Variants in KAZN observed in about 807,000 individuals in gnomAD.
KAZN encodes the protein kazrin.
A neutral mutation model predicts 87.4 loss-of-function variants in KAZN; 40 were observed. The ratio of observed to expected loss-of-function variants is 0.46; its 90% CI spans 0.36 to 0.60. KAZN has a LOEUF of 0.60. KAZN is among the 20% of genes least tolerant of loss of function. KAZN has a pLI of 0.00. For missense variants in KAZN, 898 were observed against 1,073.9 expected (o/e 0.84, Z 2.29); for synonymous variants, 466 against 458.3 (o/e 1.02, Z -0.22).
chr1:14,389,017 T>C (rs972690933), intron 2 of KAZN, among the ~76,000 whole-genome samples: 2 of 152,106 alleles, frequency 1.3e-5, no homozygotes, highest in Non-Finnish European at 2.9e-5. Context: ...AAAAATCTAA[T>C]AATTTGATTA....
chr1:14,339,559 C>T (rs1657528306), intron 2 of KAZN, among the ~76,000 whole-genome samples: 2 of 152,188 alleles, frequency 1.3e-5, no homozygotes, highest in Non-Finnish European at 1.5e-5. Context: ...CGTTTCTGTT[C>T]GAGCTCAAAA....
At chr1:14,224,571 G>A (rs980524359) in intron 2 of KAZN, among the ~76,000 whole-genome samples, 2 of 152,122 alleles carry the variant, frequency 1.3e-5, no homozygotes, top group African/African-American at 2.4e-5. Flanking sequence ...GGAAAAAGAA[G>A]AGCCCATACA....
chr1:14,466,941 C>T (rs1031935799), intron 2 of KAZN, among the ~76,000 whole-genome samples: 10 of 152,136 alleles, frequency 6.6e-5, no homozygotes, highest in African/African-American at 2.4e-4. Flanking sequence ...TGCGCTCCAG[C>T]CTGGGCGACA....
At chr1:14,027,641 C>T (rs1641137997) in intron 1 of KAZN, among the ~76,000 whole-genome samples, 2 of 152,098 alleles carry the variant, frequency 1.3e-5, no homozygotes, top group African/African-American at 4.8e-5. Flanking sequence ...CACAGGTCTA[C>T]AGTCAGCTGT....
chr1:14,306,914 G>A (rs1306626859), intron 2 of KAZN, among the ~76,000 whole-genome samples: 2 of 152,150 alleles, frequency 1.3e-5, no homozygotes, highest in African/African-American at 4.8e-5. Context: ...AGAGGCTTAG[G>A]TGTGAAAAAT....
intron 2 of KAZN, among the ~76,000 whole-genome samples, chr1:14,330,339 G>A (rs1330627708): frequency 6.6e-6 from 1 of 152,024 alleles, no homozygotes; most frequent in African/African-American, 2.4e-5. Context: ...TTCACATTAG[G>A]ATTCCCCAAC....
chr1:14,366,595 T>G (rs1364605621), intron 2 of KAZN, among the ~76,000 whole-genome samples: 2 of 152,100 alleles, frequency 1.3e-5, no homozygotes, highest in Non-Finnish European at 2.9e-5. Flanking sequence ...AACACACAAG[T>G]GTGAGCGGGT....
chr1:15,036,253 GCCCCAGCCCTCCCCTGCCCTGCCTA>G (rs1672264522), intron 3 of KAZN, among the ~76,000 whole-genome samples: 19 of 79,138 alleles, frequency 2.4e-4, no homozygotes, highest in Admixed American at 5.3e-4. Context: ...CTGCCTGCTC[GCCCCAGCCCTCCCCTGCCCTGCCTA>G]CCCAGCTCCC....
intron 2 of KAZN, among the ~76,000 whole-genome samples, chr1:14,343,159 C>T (rs1472924600): frequency 6.6e-6 from 1 of 152,046 alleles, no homozygotes; most frequent in Admixed American, 6.6e-5. Context: ...AACAAACAAA[C>T]AAACAAACAA....
chr1:14,473,214 A>G (rs1282770072), intron 2 of KAZN, among the ~76,000 whole-genome samples: 1 of 151,798 alleles, frequency 6.6e-6, no homozygotes, highest in Non-Finnish European at 1.5e-5. Context: ...AGAATTTCAG[A>G]TTAACAACAA....
At chr1:14,521,788 G>A (rs538054501) in intron 2 of KAZN, among the ~76,000 whole-genome samples, 2 of 152,254 alleles carry the variant, frequency 1.3e-5, no homozygotes, top group South Asian at 2.1e-4. Flanking sequence ...AGCTTGAGTC[G>A]ACCTTGAGTT....
intron 2 of KAZN, among the ~76,000 whole-genome samples, chr1:14,389,352 GTA>G (rs1476651048): frequency 2.6e-5 from 4 of 152,106 alleles, no homozygotes; most frequent in Admixed American, 2.0e-4. Flanking sequence ...CCACTCCTAG[GTA>G]TATACTGAAA....
At chr1:14,158,412 T>C (rs534736359) in intron 1 of KAZN, among the ~76,000 whole-genome samples, 2 of 152,288 alleles carry the variant, frequency 1.3e-5, no homozygotes, top group East Asian at 3.9e-4. Context: ...CATTTTTCAG[T>C]ATGCCAATTG....
intron 4 of KAZN, among the ~76,000 whole-genome samples, chr1:15,050,726 G>A (rs559296193): frequency 1.3e-5 from 2 of 152,284 alleles, no homozygotes; most frequent in African/African-American, 2.4e-5. Flanking sequence ...GTGGTGGGGG[G>A]CCTGCCGCCC....
intron 1 of KAZN, among the ~76,000 whole-genome samples, chr1:14,853,693 T>TG (rs2100989775): frequency 6.6e-6 from 1 of 152,304 alleles, no homozygotes; most frequent in South Asian, 2.1e-4. Context: ...AGGCTCCAGC[T>TG]GTGTCTCTTG....
intron 2 of KAZN, among the ~76,000 whole-genome samples, chr1:14,205,507 T>C (rs948132370): frequency 1.3e-5 from 2 of 152,184 alleles, no homozygotes; most frequent in Non-Finnish European, 2.9e-5. Flanking sequence ...TAAAGATTTT[T>C]TAATGGAATT....
chr1:14,426,267 C>T (rs577226946), intron 2 of KAZN, among the ~76,000 whole-genome samples: 14 of 152,314 alleles, frequency 9.2e-5, no homozygotes, highest in South Asian at 2.1e-4. Flanking sequence ...CAAATGTCAC[C>T]TCTGCAGAAA....
At chr1:14,246,685 T>A (rs1249727021) in intron 2 of KAZN, among the ~76,000 whole-genome samples, 1 of 152,244 alleles carries the variant, frequency 6.6e-6, no homozygotes, top group Non-Finnish European at 1.5e-5. Flanking sequence ...ATTCCCTTAC[T>A]GTTCTTTATA....
intron 1 of KAZN, among the ~76,000 whole-genome samples, chr1:14,151,100 A>G (rs559656289): frequency 1.3e-5 from 2 of 152,312 alleles, no homozygotes; most frequent in East Asian, 3.9e-4. Flanking sequence ...ATGCAGTCTT[A>G]TAAAAGTTTC....
Sources: gnomAD v4.1 joint callset for allele counts (sites outside exome capture counted in the v4.1 genomes callset) on GRCh38, gnomAD v4.1.1 for gene constraint, MANE v1.5 for transcripts, NCBI Gene and HGNC (gene_info 2026-07-23, HGNC 2026-07-21) for gene names.